The following PIWIL1 variants were observed in gnomAD, a reference collection of about 807,000 sequenced individuals.
PIWIL1 encodes piwi-like protein 1.
In PIWIL1, 73 loss-of-function variants were observed where a neutral mutation model predicts 114.4. That is an observed-to-expected ratio of 0.64 (90% CI 0.53 to 0.78). The LOEUF is 0.78. Ranked by LOEUF, PIWIL1 falls within the 30% of genes least tolerant of loss-of-function variation. PIWIL1 has a pLI of 0.00. For missense variants in PIWIL1, 723 were observed against 1,063.1 expected, an observed-to-expected ratio of 0.68 and a Z score of 4.45; for synonymous variants, 375 against 369.0, an observed-to-expected ratio of 1.02 and a Z score of -0.19.
chr12:130,418,725 A>C, the PIWIL1 span, among the ~76,000 whole-genome samples: 397 of 152,272 alleles, frequency 2.6e-3, 1 homozygote, highest in Non-Finnish European at 4.7e-3. Flanking sequence ...TACCCCTTGA[A>C]AATCTTTCAG....
chr12:130,361,441 C>CTT lies in PIWIL1; in HGVS notation c.1867-53_1867-52dup, dbSNP rs1452713788. On this transcript the variant is annotated intron_variant, in intron 15 of 20. Coordinates refer to ENST00000245255, the MANE Select transcript of PIWIL1 (RefSeq NM_004764.5). The stretch of plus-strand genomic sequence containing the variant: ...ATTGGTATTTAAGAACATGGATTTA[C>CTT]TTTTTAAATGTTGCTGGTACTCCAT... The CTT allele has an allele frequency of 1.9e-6, 3 of 1,609,474 alleles. No individual in the cohort carries two copies. The African/African-American group carries it at 4.0e-5, about 22-fold the overall frequency.
rs753758164 is a variant in PIWIL1, at chr12:130,357,077, A to G, written c.1564A>G (p.Met522Val). The G allele has an allele frequency of 2.0e-5, 33 of 1,610,900 alleles. No individual in the cohort carries two copies. The highest frequency in any genetic ancestry group is 2.5e-5 in the Non-Finnish European group (30 of 1,178,092). ...AAATCTATTTAAAGTTACACCAGCCATGGGCATGCAAATGAGAAAAGCAAT... is the reference window on the plus strand; with the variant it reads ...AAATCTATTTAAAGTTACACCAGCCGTGGGCATGCAAATGAGAAAAGCAAT... The part of the protein sequence containing the change: ...IQNLFKVTPA[M>V]GMQMRKAIMI... The change falls in exon 13 of 21, where the codon ATG becomes GTG. Residue 522 changes from methionine (M) to valine (V), a missense_variant. Around this residue, in one of 8 missense-constraint regions of PIWIL1, gnomAD observed 298 missense variants for 420.8 expected, o/e 0.71. Transcript: ENST00000245255.
the PIWIL1 span, among the ~76,000 whole-genome samples, chr12:130,405,692 G>C: frequency 6.6e-6 from 1 of 151,996 alleles, no homozygotes; most frequent in South Asian, 2.1e-4. Context: ...CGGGGTGGGG[G>C]GTTCCAAGCT....
chr12:130,413,008 T>A, the PIWIL1 span, among the ~76,000 whole-genome samples: 1 of 152,140 alleles, frequency 6.6e-6, no homozygotes, highest in Non-Finnish European at 1.5e-5. Context: ...CATCTAGTGT[T>A]TGGACAACCT....
chr12:130,374,874 T>G (rs2073854347), downstream of PIWIL1, among the ~76,000 whole-genome samples: 2 of 152,290 alleles, frequency 1.3e-5, no homozygotes, highest in Non-Finnish European at 2.9e-5. Flanking sequence ...AACAGCCTCT[T>G]AGGGGCGGTT....
At chr12:130,396,872 A>G in the PIWIL1 span, 1 of 152,608 alleles carries the variant, frequency 6.6e-6, no homozygotes, top group East Asian at 1.9e-4. Flanking sequence ...CAAAGTATAC[A>G]CTGTTTTTAT....
the PIWIL1 span, chr12:130,407,883 G>GC: frequency 1.3e-6 from 2 of 1,517,664 alleles, no homozygotes; most frequent in South Asian, 2.2e-5. Flanking sequence ...TTCAAACTTA[G>GC]CGGTGTTCCC....
the PIWIL1 span, among the ~76,000 whole-genome samples, chr12:130,402,638 C>T: frequency 6.6e-6 from 1 of 152,184 alleles, no homozygotes; most frequent in East Asian, 1.9e-4. Flanking sequence ...CATTTCCCAC[C>T]ATTTCTCTAT....
the PIWIL1 span, among the ~76,000 whole-genome samples, chr12:130,409,867 T>A: frequency 2.6e-5 from 4 of 152,358 alleles, no homozygotes; most frequent in Admixed American, 1.3e-4. Context: ...TGTACAGTTT[T>A]TTTGTGTGTG....
At chr12:130,355,456 A>G (rs2073338300) in intron 11 of PIWIL1, 97 bp from the exon 12 acceptor site, 1 of 915,146 alleles carries the variant, frequency 1.1e-6, no homozygotes, top group African/African-American at 1.6e-5. Flanking sequence ...TGACGGCGAC[A>G]TTGGAGTGTG....
the PIWIL1 span, among the ~76,000 whole-genome samples, chr12:130,393,159 G>A: frequency 0.02 from 1,248 of 61,134 alleles, 6 homozygotes; most frequent in East Asian, 0.047. Context: ...CCATCATCAC[G>A]TGTGTCCGTC....
chr12:130,367,851 G>T (rs1006579834), intron 19 of PIWIL1, among the ~76,000 whole-genome samples: 1 of 152,202 alleles, frequency 6.6e-6, no homozygotes, highest in Non-Finnish European at 1.5e-5. Flanking sequence ...AGGCTGGAGT[G>T]CAGTAGCATA....
intron 3 of PIWIL1, among the ~76,000 whole-genome samples, chr12:130,344,394 C>T (rs2073011277): frequency 6.6e-6 from 1 of 152,066 alleles, no homozygotes; most frequent in East Asian, 1.9e-4. Context: ...AGAGCCCCCT[C>T]CAAATCATGA....
chr12:130,413,937 T>C, the PIWIL1 span, among the ~76,000 whole-genome samples: 2 of 152,218 alleles, frequency 1.3e-5, no homozygotes, highest in Non-Finnish European at 2.9e-5. Context: ...GGGCAGATGC[T>C]GGAGAAGGCA....
At chr12:130,364,655 T>G (rs1028697692) in intron 18 of PIWIL1, among the ~76,000 whole-genome samples, 1 of 152,224 alleles carries the variant, frequency 6.6e-6, no homozygotes, top group Admixed American at 6.5e-5. Flanking sequence ...AATGATACTT[T>G]GTTTTCAGGC....
At chr12:130,356,866 G>C (rs746571081) in intron 12 of PIWIL1, 52 bp from the exon 13 acceptor site, 27 of 1,316,358 alleles carry the variant, frequency 2.1e-5, no homozygotes, top group Non-Finnish European at 2.6e-5. Flanking sequence ...TGTTTGGCTT[G>C]ATCACTGAGA....
intron 14 of PIWIL1, 44 bp from the exon 15 acceptor site, chr12:130,361,136 C>T: frequency 6.3e-7 from 1 of 1,576,398 alleles, no homozygotes; most frequent in Non-Finnish European, 8.7e-7. Context: ...TGCTCTTAAT[C>T]ATCTGTCTCC....
At chr12:130,339,237 G>A (rs2072827166) in intron 1 of PIWIL1, among the ~76,000 whole-genome samples, 4 of 152,114 alleles carry the variant, frequency 2.6e-5, no homozygotes, top group Admixed American at 2.6e-4. Flanking sequence ...CCCGGCCCTT[G>A]GCACCTGTGG....
At chr12:130,376,135 C>T (rs2073864606), downstream of PIWIL1, among the ~76,000 whole-genome samples, 2 of 152,218 alleles carry the variant, frequency 1.3e-5, no homozygotes, top group African/African-American at 4.8e-5. Context: ...ACACTCACAT[C>T]ATCAGCTGTC....
Sources: gnomAD v4.1 joint callset for allele counts (sites outside exome capture counted in the v4.1 genomes callset) on GRCh38, gnomAD v4.1.1 for gene constraint, gnomAD v4.1.1 regional missense constraint, MANE v1.5 for transcripts, NCBI Gene and HGNC (gene_info 2026-07-23, HGNC 2026-07-21) for gene names.